The following ADAM22 variants were observed in gnomAD, a reference collection of about 807,000 sequenced individuals.
ADAM22 encodes the protein ADAM metallopeptidase domain 22.
A neutral mutation model predicts 144.6 loss-of-function variants in ADAM22; 65 were observed. The ratio of observed to expected loss-of-function variants is 0.45; its 90% CI spans 0.37 to 0.55. The LOEUF (loss-of-function observed/expected upper bound fraction) is 0.55, where lower values mean the gene tolerates loss of function less well. Among genes scored for constraint, ADAM22 ranks in the 20% least tolerant of loss-of-function variants. ADAM22 has a pLI of 0.00. For synonymous variants in ADAM22, 391 were observed against 412.6 expected, an observed-to-expected ratio of 0.95 and a Z score of 0.63; for missense variants, 974 against 1,184.9, an observed-to-expected ratio of 0.82 and a Z score of 2.61.
At chr7:88,136,911 A>G (rs1833118003) in intron 14 of ADAM22, among the ~76,000 whole-genome samples, 1 of 152,118 alleles carries the variant, frequency 6.6e-6, no homozygotes. Context: ...AATCATCATC[A>G]TTAAAAATGT....
chr7:88,036,249 A>G (rs1801499623), intron 3 of ADAM22, among the ~76,000 whole-genome samples: 1 of 152,166 alleles, frequency 6.6e-6, no homozygotes, highest in Non-Finnish European at 1.5e-5. Context: ...CCTTCACTAA[A>G]GAAAGAAAAT....
At chr7:88,127,517 T>C (rs568874150) in intron 8 of ADAM22, among the ~76,000 whole-genome samples, 44 of 152,044 alleles carry the variant, frequency 2.9e-4, no homozygotes, top group Non-Finnish European at 6.0e-4. Context: ...GGATGCACTT[T>C]AGTGTTATTC....
At chr7:88,156,775 A>G (rs1356978512) in intron 22 of ADAM22, among the ~76,000 whole-genome samples, 1 of 152,156 alleles carries the variant, frequency 6.6e-6, no homozygotes, top group East Asian at 1.9e-4. Flanking sequence ...TCTAAGCTGG[A>G]GGACAGCAAG....
At chr7:87,956,777 A>G (rs544965633) in intron 2 of ADAM22, among the ~76,000 whole-genome samples, 1 of 152,248 alleles carries the variant, frequency 6.6e-6, no homozygotes, top group African/African-American at 2.4e-5. Context: ...ATGTATCAGT[A>G]TTTCATTCGT....
At chr7:87,978,274 G>C in intron 2 of ADAM22, 62 bp from the exon 3 acceptor site, 2 of 1,204,174 alleles carry the variant, frequency 1.7e-6, no homozygotes, top group Non-Finnish European at 2.4e-6. Context: ...TCATAAGAAA[G>C]ACTAATTGTC....
At chr7:88,085,880 T>A (rs926278140) in intron 4 of ADAM22, among the ~76,000 whole-genome samples, 1 of 152,170 alleles carries the variant, frequency 6.6e-6, no homozygotes, top group African/African-American at 2.4e-5. Flanking sequence ...TGTGTAGGTT[T>A]TAAAAATAAT....
At chr7:88,116,915 C>A in intron 7 of ADAM22, 101 bp downstream of exon 7, 1 of 844,738 alleles carries the variant, frequency 1.2e-6, no homozygotes, top group Non-Finnish European at 1.8e-6. Flanking sequence ...TAGCCCACAT[C>A]TGCTTTTGAC....
At position 88,013,526 on chromosome 7, in the gene ADAM22, G is replaced by C. The variant is rs368477193; in HGVS notation, c.323+35114G>C. ...TGCAGCCTCAAAGTCCTGGGCTCAA[G>C]GGATCTTCCCGCATCAGCCTCCTGA... On this transcript the variant is annotated intron_variant, in intron 3 of 31. Transcript: ENST00000413139. 1.1e-4 allele frequency among the ~76,000 whole-genome samples: 17 copies of C among 152,286 alleles called. No individual in the cohort carries two copies. The South Asian group carries it at 2.3e-3, about 20-fold the overall frequency.
At chr7:88,086,457 T>C (rs957923482) in intron 4 of ADAM22, among the ~76,000 whole-genome samples, 5 of 152,278 alleles carry the variant, frequency 3.3e-5, no homozygotes, top group Admixed American at 1.3e-4. Context: ...AAAAGTTATA[T>C]TAAAACTTAA....
intron 3 of ADAM22, among the ~76,000 whole-genome samples, chr7:88,006,637 C>G (rs1180060315): frequency 6.9e-6 from 1 of 144,072 alleles, no homozygotes; most frequent in African/African-American, 2.5e-5. Context: ...ATAAACAGAA[C>G]CAAAGACAAA....
chr7:88,174,077 T>C (rs982322256), intron 26 of ADAM22, among the ~76,000 whole-genome samples: 1 of 152,088 alleles, frequency 6.6e-6, no homozygotes, highest in Non-Finnish European at 1.5e-5. Flanking sequence ...TTGTAATGGC[T>C]CAGAAGTACC....
Position 87,972,009 on chromosome 7 carries a change from T to C in ADAM22, c.247-6327T>C, listed in dbSNP as rs13438544. 8.8e-3 allele frequency among the ~76,000 whole-genome samples: 1,338 copies of C among 152,264 alleles called. 19 individuals carry two copies. Among genetic ancestry groups the C allele is most frequent in the African/African-American group, 0.031 (1,280 of 41,518 alleles). ...ATCGAGACCATCCTGGCTAACACAG[T>C]GAAACCCTGTCTCTACTCAGGGATG... is the stretch of plus-strand genomic sequence containing the variant. On this transcript the variant is annotated intron_variant, in intron 2 of 31. Transcript: ENST00000413139.
rs1055871410 is a variant in ADAM22 at position 88,153,321 on chromosome 7, C to T, written c.1782C>T (p.Asn594=). Residue 594 remains asparagine (N), a synonymous_variant, in exon 21 of 32, where the codon AAC becomes AAT. Coordinates refer to ENST00000413139, the MANE Select transcript of ADAM22 (RefSeq NM_001324418.2). ...ACAAAGACACATGGATACAGTGCAA[C>T]AAACGGTGAGGTGGAGACGTCAGCC... ...GKDKDTWIQC[N]KRDVLCGYLL... 2 of 1,611,714 alleles carry T rather than the reference C, an allele frequency of 1.2e-6. No individual in the cohort carries two copies. Among genetic ancestry groups the T allele is most frequent in the African/African-American group, 1.3e-5 (1 of 74,830 alleles).
At chr7:88,048,683 A>G (rs1805356145) in intron 3 of ADAM22, among the ~76,000 whole-genome samples, 2 of 152,112 alleles carry the variant, frequency 1.3e-5, no homozygotes, top group African/African-American at 4.8e-5. Flanking sequence ...TTTATACATT[A>G]ATAGTATCAA....
chr7:88,015,888 G>T (rs1348864186), intron 3 of ADAM22, among the ~76,000 whole-genome samples: 2 of 151,880 alleles, frequency 1.3e-5, no homozygotes, highest in African/African-American at 2.4e-5. Flanking sequence ...ATTTTTTAGT[G>T]AATTAATTTG....
At chr7:88,016,739 A>G (rs1377456564) in intron 3 of ADAM22, among the ~76,000 whole-genome samples, 3 of 152,184 alleles carry the variant, frequency 2.0e-5, no homozygotes, top group South Asian at 2.1e-4. Context: ...TTGAGCTCAT[A>G]AAAGTAGAGA....
chr7:88,147,721 C>T (rs1461026743), intron 17 of ADAM22, among the ~76,000 whole-genome samples: 4 of 152,056 alleles, frequency 2.6e-5, no homozygotes, highest in African/African-American at 7.2e-5. Context: ...GCAAATCCTC[C>T]CTCCCTATTC....
rs61053925 is a variant in ADAM22 at position 88,162,097 on chromosome 7, T to TACACACACACACACACACACAC, written c.1908-900_1908-879dup. On this transcript the variant is annotated intron_variant, in intron 22 of 31. Coordinates refer to ENST00000413139, the MANE Select transcript of ADAM22 (RefSeq NM_001324418.2). ...CAGACTGGATAAAGAAAATGTGTAATACACACACACACACACACACACACA... is the reference window on the plus strand; with the variant it reads ...CAGACTGGATAAAGAAAATGTGTAATACACACACACACACACACACACACACACACACACACACACACACACA... 5.6e-3 allele frequency among the ~76,000 whole-genome samples: 770 copies of TACACACACACACACACACACAC among 136,782 alleles called. 6 individuals carry two copies. Among genetic ancestry groups the TACACACACACACACACACACAC allele is most frequent in the East Asian group, 0.015 (64 of 4,352 alleles). 89.7% of individuals were successfully genotyped at this position (136,782 alleles called of 152,430 possible). A position where few individuals can be genotyped will look rare whatever the true frequency, so the allele number is the denominator to read the frequency against.
At chr7:87,944,362 A>G (rs993078036) in intron 2 of ADAM22, among the ~76,000 whole-genome samples, 1 of 152,106 alleles carries the variant, frequency 6.6e-6, no homozygotes, top group Non-Finnish European at 1.5e-5. Flanking sequence ...ATTAAACAGC[A>G]TGATGCTACA....
Sources: gnomAD v4.1 joint callset for allele counts (sites outside exome capture counted in the v4.1 genomes callset) on GRCh38, gnomAD v4.1.1 for gene constraint, MANE v1.5 for transcripts, NCBI Gene and HGNC (gene_info 2026-07-23, HGNC 2026-07-21) for gene names.